The following CCPG1 variants were observed in gnomAD, a reference collection of about 807,000 sequenced individuals.
CCPG1 encodes the protein cell cycle progression protein 1.
CCPG1 carries 46 observed loss-of-function variants against 81.3 expected under a neutral mutation model. The ratio of observed to expected loss-of-function variants is 0.57; its 90% CI spans 0.45 to 0.72. The LOEUF (loss-of-function observed/expected upper bound fraction) is 0.72. Ranked by LOEUF, CCPG1 falls within the 30% of genes least tolerant of loss-of-function variation. CCPG1 has a pLI of 0.00. For synonymous variants in CCPG1, 330 were observed against 305.2 expected, an observed-to-expected ratio of 1.08 and a Z score of -0.85; for missense variants, 902 against 937.6, an observed-to-expected ratio of 0.96 and a Z score of 0.50.
At chr15:55,397,933 T>C (rs752650155) in intron 1 of CCPG1, among the ~76,000 whole-genome samples, 3 of 151,406 alleles carry the variant, frequency 2.0e-5, no homozygotes, top group African/African-American at 4.9e-5. Context: ...GCCGAGACTA[T>C]GCCACGGCAC....
At position 55,359,803 on chromosome 15, in the gene CCPG1, C is replaced by A; in HGVS notation, c.1970G>T (p.Arg657Ile). The change falls in exon 8 of 9, where the codon AGA becomes ATA. Residue 657 changes from arginine (R) to isoleucine (I), a missense_variant. Arg to Ile is a moderately conservative substitution (Grantham distance 97). Coordinates refer to ENST00000442196, the MANE Select transcript of CCPG1 (RefSeq NM_001204450.2). Reference sequence around the variant, plus strand: ...TAACATGTACCTTTGAATTATCTGTCTAAATTCATCCATCCTTATAGGATT... The same window carrying A: ...TAACATGTACCTTTGAATTATCTGTATAAATTCATCCATCCTTATAGGATT... ...VVNPIRMDEF[R>I]QIIQRYMLKE... is the part of the protein sequence containing the mutation. 1.2e-6 allele frequency: 2 copies of A among 1,613,226 alleles called. No homozygotes were observed. Among genetic ancestry groups the A allele is most frequent in the Admixed American group, 1.7e-5 (1 of 59,984 alleles).
intron 6 of CCPG1, among the ~76,000 whole-genome samples, chr15:55,371,021 G>A (rs1302274296): frequency 6.6e-6 from 1 of 152,124 alleles, no homozygotes; most frequent in Non-Finnish European, 1.5e-5. Context: ...GCTGAGGTAG[G>A]AGAATTGCTA....
intron 6 of CCPG1, among the ~76,000 whole-genome samples, chr15:55,365,627 G>A (rs2056310876): frequency 6.6e-6 from 1 of 151,218 alleles, no homozygotes; most frequent in Admixed American, 6.6e-5. Flanking sequence ...TGGCCAGGCT[G>A]GTCTCAAACT....
intron 1 of CCPG1, among the ~76,000 whole-genome samples, chr15:55,406,460 T>C (rs1283992577): frequency 6.9e-6 from 1 of 145,150 alleles, no homozygotes; most frequent in Non-Finnish European, 1.5e-5. Flanking sequence ...GTTTTTTTTT[T>C]TTTGTTTTTT....
In CCPG1 at chr15:55,356,126, T is replaced by G; in HGVS notation, c.*94A>C. ...ATACTTAGAAACAAAAGAAAAGACA[T>G]TGTCATCTTGGTAATTTCATTAGTT... On this transcript the variant is annotated 3_prime_UTR_variant, in exon 9 of 9. Coordinates refer to ENST00000442196, the MANE Select transcript of CCPG1 (RefSeq NM_001204450.2). 1.1e-6 allele frequency: 1 copy of G among 914,808 alleles called. No homozygotes were observed. The highest frequency in any genetic ancestry group is 1.6e-6 in the Non-Finnish European group (1 of 619,254). The allele number at this position is 914,808 out of a possible 1,614,324, so 56.7% of individuals were successfully genotyped here.
chr15:55,397,758 C>G (rs572653736), intron 1 of CCPG1, among the ~76,000 whole-genome samples: 83 of 152,282 alleles, frequency 5.5e-4, no homozygotes, highest in South Asian at 5.2e-3. Flanking sequence ...GGGCAGATCA[C>G]TTGACGTAAG....
At chr15:55,397,224 AAAC>A (rs1440518204) in intron 1 of CCPG1, among the ~76,000 whole-genome samples, 3 of 122,236 alleles carry the variant, frequency 2.5e-5, no homozygotes, top group Non-Finnish European at 3.8e-5. Context: ...AAAAAAAAAC[AAAC>A]AAAAAAAAAA....
At chr15:55,390,405 C>T (rs2056890912) in intron 1 of CCPG1, among the ~76,000 whole-genome samples, 1 of 151,750 alleles carries the variant, frequency 6.6e-6, no homozygotes, top group African/African-American at 2.4e-5. Flanking sequence ...ATCTGAAACT[C>T]CTTTAAACTT....
At chr15:55,382,597 C>A (rs1257084530) in intron 3 of CCPG1, among the ~76,000 whole-genome samples, 2 of 151,712 alleles carry the variant, frequency 1.3e-5, no homozygotes, top group African/African-American at 2.4e-5. Flanking sequence ...GCAAGCTCCG[C>A]CTCCCAGGTT....
chr15:55,376,385 A>T (rs1435454574), intron 5 of CCPG1, among the ~76,000 whole-genome samples: 2 of 152,218 alleles, frequency 1.3e-5, no homozygotes, highest in Admixed American at 6.5e-5. Flanking sequence ...TTGCATTAAA[A>T]ATGTGGCTTA....
chr15:55,360,447 C>T lies in CCPG1; in HGVS notation c.1326G>A (p.Gln442=). ...TELERKLTFE[Q]QRSDLWERLY... The stretch of plus-strand genomic sequence containing the variant: ...ATCTTTCCCACAAATCAGAACGCTG[C>T]TGTTCGAAGGTTAGCTTCCGTTCCA... The change falls in exon 8 of 9, where the codon CAG becomes CAA. Residue 442 remains glutamine, a synonymous_variant. Coordinates refer to ENST00000442196, the MANE Select transcript of CCPG1 (RefSeq NM_001204450.2). 1.2e-6 allele frequency: 2 copies of T among 1,614,004 alleles called. No homozygotes were observed. The highest frequency in any genetic ancestry group is 1.7e-6 in the Non-Finnish European group (2 of 1,180,036).
chr15:55,372,885 A>G, intron 5 of CCPG1: 2 of 513,272 alleles, frequency 3.9e-6, no homozygotes, highest in South Asian at 2.9e-5. Flanking sequence ...CAACCTAATT[A>G]GCCCATGATC....
rs557560555 is a variant in CCPG1 at position 55,396,957 on chromosome 15, C to A, written c.-9-7524G>T. ...CGGTGGCTCACGCCTGTAATCCCAG[C>A]ACTCCAGGCCGAGGTGGGCGGATCA... is the stretch of plus-strand genomic sequence containing the variant. On this transcript the variant is annotated intron_variant, in intron 1 of 8. Coordinates refer to ENST00000442196, the MANE Select transcript of CCPG1 (RefSeq NM_001204450.2). 3.9e-5 allele frequency among the ~76,000 whole-genome samples: 6 copies of A among 152,284 alleles called. No individual in the cohort carries two copies. In the East Asian group the frequency reaches 1.2e-3, roughly 29 times the overall value.
chr15:55,404,671 T>C (rs1429039247), intron 1 of CCPG1, among the ~76,000 whole-genome samples: 1 of 152,190 alleles, frequency 6.6e-6, no homozygotes, highest in Non-Finnish European at 1.5e-5. Context: ...GGAGCTCTCA[T>C]GCCTGTATCC....
At chr15:55,361,727 A>G (rs1344066183) in intron 7 of CCPG1, among the ~76,000 whole-genome samples, 1 of 152,032 alleles carries the variant, frequency 6.6e-6, no homozygotes, top group Non-Finnish European at 1.5e-5. Context: ...AATAAAAAAT[A>G]AAAGTAAAAT....
In CCPG1 at chr15:55,378,359, T is replaced by A; in HGVS notation, c.193A>T (p.Thr65Ser). The A allele has an allele frequency of 6.2e-7, 1 of 1,609,526 alleles. No homozygotes were observed. The highest frequency in any genetic ancestry group is 8.5e-7 in the Non-Finnish European group (1 of 1,177,600). ...IEQGESSQNGTVLMEETAYPA... is the reference protein window; with the variant it reads ...IEQGESSQNGSVLMEETAYPA... ...TAAGCAGTTTCTTCCATAAGCACTG[T>A]GCCATTTTGGCTGCTTTCTGATATA... The change falls in exon 4 of 9, where the codon ACA (threonine) becomes TCA (serine). Residue 65 changes from threonine to serine, a missense_variant. By Grantham distance (58) the Thr-to-Ser change is moderately conservative (BLOSUM62 1). This residue lies in a region of CCPG1 where 746 missense variants were observed against 728.6 expected (regional missense o/e 1.02). Coordinates refer to ENST00000442196, the MANE Select transcript of CCPG1 (RefSeq NM_001204450.2).
At chr15:55,381,135 T>C (rs1252345275) in intron 3 of CCPG1, among the ~76,000 whole-genome samples, 2 of 149,020 alleles carry the variant, frequency 1.3e-5, no homozygotes, top group Admixed American at 6.7e-5. Flanking sequence ...AGACACCATC[T>C]CAAAAAACAA....
intron 5 of CCPG1, among the ~76,000 whole-genome samples, chr15:55,375,511 T>C (rs1195615619): frequency 6.6e-6 from 1 of 151,964 alleles, no homozygotes; most frequent in Non-Finnish European, 1.5e-5. Context: ...CCTCCATAAA[T>C]AAAGATACTA....
intron 7 of CCPG1, among the ~76,000 whole-genome samples, chr15:55,362,390 A>T (rs1296443208): frequency 1.3e-5 from 2 of 152,206 alleles, no homozygotes; most frequent in African/African-American, 4.8e-5. Context: ...ATACACTTGA[A>T]AAATAACTAT....
Sources: allele counts gnomAD v4.1 joint callset (sites outside exome capture counted in the v4.1 genomes callset), GRCh38; gene constraint gnomAD v4.1.1; regional missense constraint gnomAD v4.1.1; transcripts MANE v1.5; gene names NCBI Gene and HGNC (gene_info 2026-07-23, HGNC 2026-07-21).